RGS8: variants seen among roughly 807,000 people sequenced by gnomAD.
The protein encoded by RGS8 is regulator of G protein signaling 8.
In RGS8, 8 loss-of-function variants were observed where a neutral mutation model predicts 21.7. The observed-to-expected ratio is 0.37, with a 90% confidence interval of 0.22 to 0.66. RGS8 has a LOEUF of 0.66. Among genes scored for constraint, RGS8 ranks in the 30% least tolerant of loss-of-function variants. The pLI, the probability that RGS8 is intolerant of heterozygous loss-of-function variation, is 0.59. For missense variants in RGS8, 157 were observed against 217.9 expected, an observed-to-expected ratio of 0.72 and a Z score of 1.76; for synonymous variants, 80 against 83.6, an observed-to-expected ratio of 0.96 and a Z score of 0.24.
chr1:182,711,648 T>C, the RGS8 span, among the ~76,000 whole-genome samples: 1 of 152,182 alleles, frequency 6.6e-6, no homozygotes, highest in East Asian at 1.9e-4. Flanking sequence ...TGTGGAACAA[T>C]TCAGCCAAGT....
rs12047079 is a variant in RGS8, at chr1:182,655,170, A to C, written c.194-6867T>G. Among the ~76,000 whole-genome samples the C allele has an allele frequency of 2.6e-3, 389 of 152,344 alleles. 15 individuals are homozygous for C. In the East Asian group the frequency reaches 0.064, roughly 25 times the overall value. On this transcript the variant is annotated intron_variant, in intron 5 of 6. Coordinates refer to ENST00000483095, the Ensembl canonical transcript of RGS8. ...CACAAGGTCACAGTCTGTAAGTGGC[A>C]AGGATGCTAAACTGCAAAGCCAGCA...
exon 7 of RGS8, chr1:182,646,798 G>A (rs776166423): frequency 1.9e-6 from 3 of 1,614,160 alleles, no homozygotes; most frequent in Non-Finnish European, 2.5e-6. Context: ...TCAGGAACCT[G>A]GGGTAAGAGT....
chr1:182,743,814 A>G, the RGS8 span, among the ~76,000 whole-genome samples: 1 of 152,224 alleles, frequency 6.6e-6, no homozygotes, highest in Non-Finnish European at 1.5e-5. Context: ...ACACATACAC[A>G]TGCATACAAC....
chr1:182,675,688 A>G (rs1392244848), upstream of RGS8, among the ~76,000 whole-genome samples: 3 of 152,048 alleles, frequency 2.0e-5, no homozygotes, highest in Non-Finnish European at 4.4e-5. Flanking sequence ...CCCTAAACCC[A>G]TTACCTCAAG....
chr1:182,710,811 A>G, the RGS8 span, among the ~76,000 whole-genome samples: 7 of 152,314 alleles, frequency 4.6e-5, no homozygotes, highest in South Asian at 1.2e-3. Flanking sequence ...TAGTAGTAAT[A>G]TTATTTTCAT....
the RGS8 span, among the ~76,000 whole-genome samples, chr1:182,740,544 GTTTGTTTT>G: frequency 1.4e-4 from 14 of 103,310 alleles, no homozygotes; most frequent in Middle Eastern, 6.4e-3. Context: ...TTTTTTGTTT[GTTTGTTTT>G]TTTTTTTTTT....
At chr1:182,649,113 T>C (rs1158402238) in intron 5 of RGS8, among the ~76,000 whole-genome samples, 1 of 151,822 alleles carries the variant, frequency 6.6e-6, no homozygotes, top group African/African-American at 2.4e-5. Context: ...AAAAAAAAAA[T>C]AGAGTCATAG....
At chr1:182,648,200 T>A (rs748807541) in exon 6 of RGS8, 2 of 1,613,700 alleles carry the variant, frequency 1.2e-6, no homozygotes, top group African/African-American at 2.7e-5. Flanking sequence ...AGACCAGTTT[T>A]GCAGTTGACC....
rs1287976 is a variant in RGS8 at position 182,650,004 on chromosome 1, C to T, written c.194-1701G>A. Among the ~76,000 whole-genome samples the T allele has an allele frequency of 2.3e-3, 349 of 151,940 alleles. 1 individual carries two copies. Among genetic ancestry groups the T allele is most frequent in the African/African-American group, 7.5e-3 (309 of 41,366 alleles). ...CCGACTCACTGCAACCTGTGCCTCC[C>T]GGGTTCAAGCAATTCTCCTGCCTCA... On this transcript the variant is annotated intron_variant, in intron 5 of 6. Coordinates refer to ENST00000483095, the Ensembl canonical transcript of RGS8.
chr1:182,670,721 A>G (rs1664117190), intron 2 of RGS8, among the ~76,000 whole-genome samples: 1 of 152,192 alleles, frequency 6.6e-6, no homozygotes, highest in Non-Finnish European at 1.5e-5. Context: ...TAGCTTCTTT[A>G]ATAATACTAT....
chr1:182,720,907 G>A, the RGS8 span, among the ~76,000 whole-genome samples: 1 of 84,894 alleles, frequency 1.2e-5, no homozygotes, highest in African/African-American at 6.3e-5. Context: ...ATATACATAT[G>A]TGTGTGTATA....
chr1:182,678,969 C>G (rs977565317), intron 1 of RGS8, among the ~76,000 whole-genome samples: 3 of 152,242 alleles, frequency 2.0e-5, no homozygotes, highest in East Asian at 1.9e-4. Flanking sequence ...CTAATCTATC[C>G]ATATTACACA....
chr1:182,649,921 T>C (rs1338197471), intron 5 of RGS8, among the ~76,000 whole-genome samples: 1 of 151,688 alleles, frequency 6.6e-6, no homozygotes, highest in East Asian at 1.9e-4. Context: ...TTTTTTTTTT[T>C]TGGGTGGGGG....
At chr1:182,662,713 G>A (rs768104464) in intron 5 of RGS8, among the ~76,000 whole-genome samples, 20 of 152,154 alleles carry the variant, frequency 1.3e-4, no homozygotes, top group Admixed American at 2.6e-4. Flanking sequence ...GCCACCCAGC[G>A]TGTAGTCAGC....
At chr1:182,704,363 C>T in the RGS8 span, among the ~76,000 whole-genome samples, 1 of 152,164 alleles carries the variant, frequency 6.6e-6, no homozygotes, top group Non-Finnish European at 1.5e-5. Context: ...CTCTCACTGT[C>T]CTCAGTTAAA....
the RGS8 span, among the ~76,000 whole-genome samples, chr1:182,715,388 C>T: frequency 5.9e-5 from 9 of 152,154 alleles, no homozygotes; most frequent in African/African-American, 7.2e-5. Context: ...AACCTGAGCA[C>T]GCTCCCCACT....
At chr1:182,651,325 G>A (rs1663003172) in intron 5 of RGS8, among the ~76,000 whole-genome samples, 1 of 152,180 alleles carries the variant, frequency 6.6e-6, no homozygotes, top group Admixed American at 6.5e-5. Flanking sequence ...CTAACCTACT[G>A]AACATCACAG....
chr1:182,685,613 G>A (rs1168847866), upstream of RGS8, among the ~76,000 whole-genome samples: 3 of 152,186 alleles, frequency 2.0e-5, no homozygotes, highest in African/African-American at 7.2e-5. Flanking sequence ...CTTCTCTGGA[G>A]GGAGGGAACA....
chr1:182,686,368 T>A (rs487353), upstream of RGS8, among the ~76,000 whole-genome samples: 207 of 152,120 alleles, frequency 1.4e-3, 1 homozygote, highest in African/African-American at 4.5e-3. Context: ...GGAGAGGGAT[T>A]GGAGGCAAGT....
Sources: allele counts gnomAD v4.1 joint callset (sites outside exome capture counted in the v4.1 genomes callset), GRCh38; gene constraint gnomAD v4.1.1; transcripts MANE v1.5; gene names NCBI Gene and HGNC (gene_info 2026-07-23, HGNC 2026-07-21).